FRMD4B: variants seen among roughly 807,000 people sequenced by gnomAD.
The protein encoded by FRMD4B is FERM domain-containing protein 4B.
In FRMD4B, 74 loss-of-function variants were observed where a neutral mutation model predicts 141.5. The ratio of observed to expected loss-of-function variants is 0.52; its 90% CI spans 0.43 to 0.63. The LOEUF is 0.63. FRMD4B is among the 30% of genes least tolerant of loss of function. The pLI is 0.00. For missense variants in FRMD4B, 1,366 were observed against 1,253.4 expected, an observed-to-expected ratio of 1.09 and a Z score of -1.36; for synonymous variants, 506 against 467.9, an observed-to-expected ratio of 1.08 and a Z score of -1.05.
intron 1 of FRMD4B, among the ~76,000 whole-genome samples, chr3:69,467,209 T>C (rs1031410392): frequency 6.6e-6 from 1 of 152,174 alleles, no homozygotes; most frequent in Non-Finnish European, 1.5e-5. Flanking sequence ...ATTTGACATG[T>C]CACTTTGGTT....
chr3:69,286,718 T>A (rs1056295231), intron 5 of FRMD4B, among the ~76,000 whole-genome samples: 6 of 152,230 alleles, frequency 3.9e-5, no homozygotes, highest in Non-Finnish European at 5.9e-5. Flanking sequence ...AGGAAGTTGC[T>A]TGAGAAGACC....
At chr3:69,292,830 TTTG>T in intron 4 of FRMD4B, 13 of 195,358 alleles carry the variant, frequency 6.7e-5, no homozygotes, top group South Asian at 2.3e-4. Context: ...TTTTTTTTTT[TTTG>T]CAAAAGGATA....
At chr3:69,414,117 C>T (rs1467252862) in intron 2 of FRMD4B, among the ~76,000 whole-genome samples, 1 of 152,118 alleles carries the variant, frequency 6.6e-6, no homozygotes, top group African/African-American at 2.4e-5. Context: ...CATACAGCTG[C>T]ATTTCATCTA....
intron 1 of FRMD4B, among the ~76,000 whole-genome samples, chr3:69,319,600 G>A (rs1026417912): frequency 6.6e-6 from 1 of 152,116 alleles, no homozygotes; most frequent in Non-Finnish European, 1.5e-5. Flanking sequence ...CACCCAGCGA[G>A]GCACTTTAAT....
intron 1 of FRMD4B, among the ~76,000 whole-genome samples, chr3:69,518,080 C>T (rs1054456003): frequency 6.6e-6 from 1 of 152,010 alleles, no homozygotes; most frequent in Non-Finnish European, 1.5e-5. Flanking sequence ...CTTTTTTAAG[C>T]GAACTTAGAA....
At chr3:69,212,828 C>T (rs1302368525) in intron 11 of FRMD4B, among the ~76,000 whole-genome samples, 1 of 152,114 alleles carries the variant, frequency 6.6e-6, no homozygotes, top group Non-Finnish European at 1.5e-5. Flanking sequence ...AGTAAGACTC[C>T]TGAGTGTTAT....
At chr3:69,370,255 G>C (rs1446610031) in intron 1 of FRMD4B, among the ~76,000 whole-genome samples, 1 of 152,094 alleles carries the variant, frequency 6.6e-6, no homozygotes, top group East Asian at 1.9e-4. Context: ...AAAAAAAAGA[G>C]AGCAAACGGT....
intron 7 of FRMD4B, among the ~76,000 whole-genome samples, chr3:69,234,076 T>C (rs2093329193): frequency 6.6e-6 from 1 of 151,858 alleles, no homozygotes; most frequent in African/African-American, 2.4e-5. Flanking sequence ...TGAAACTCCG[T>C]CTCTACTTAA....
At chr3:69,479,247 T>C (rs1446179772) in intron 1 of FRMD4B, among the ~76,000 whole-genome samples, 1 of 150,782 alleles carries the variant, frequency 6.6e-6, no homozygotes, top group Non-Finnish European at 1.5e-5. Context: ...GATCCTGTCA[T>C]TATGATGTTA....
chr3:69,205,648 A>G (rs2093017468), intron 11 of FRMD4B, among the ~76,000 whole-genome samples: 1 of 152,176 alleles, frequency 6.6e-6, no homozygotes, highest in African/African-American at 2.4e-5. Flanking sequence ...GGAGGATGCT[A>G]CTAGCATCTA....
chr3:69,269,602 C>A (rs1467006958), intron 5 of FRMD4B, among the ~76,000 whole-genome samples: 1 of 152,224 alleles, frequency 6.6e-6, no homozygotes, highest in Non-Finnish European at 1.5e-5. Flanking sequence ...TCCAACACCC[C>A]TGAATTACTG....
At chr3:69,172,003 G>A in intron 22 of FRMD4B, 22 bp from the exon 23 acceptor site, 6 of 1,611,114 alleles carry the variant, frequency 3.7e-6, no homozygotes, top group South Asian at 1.1e-5. Context: ...AACCAGAAAA[G>A]TTACTACTTG....
At chr3:69,307,618 C>T (rs112898517) in intron 3 of FRMD4B, among the ~76,000 whole-genome samples, 146 of 152,260 alleles carry the variant, frequency 9.6e-4, no homozygotes, top group African/African-American at 3.2e-3. Flanking sequence ...AGATTACAGG[C>T]GTGAGCCACC....
chr3:69,346,999 A>G (rs1316145600), intron 1 of FRMD4B, among the ~76,000 whole-genome samples: 1 of 152,234 alleles, frequency 6.6e-6, no homozygotes, highest in Non-Finnish European at 1.5e-5. Context: ...CTTAAATGTA[A>G]ATGGGCTAAT....
chr3:69,179,030 G>A (rs540588500), intron 21 of FRMD4B, among the ~76,000 whole-genome samples: 94 of 151,978 alleles, frequency 6.2e-4, no homozygotes, highest in Non-Finnish European at 9.3e-4. Flanking sequence ...ATCACTCCAT[G>A]AGAATGACGC....
intron 1 of FRMD4B, among the ~76,000 whole-genome samples, chr3:69,318,148 AT>A (rs1242718676): frequency 6.6e-6 from 1 of 151,654 alleles, no homozygotes; most frequent in Non-Finnish European, 1.5e-5. Context: ...ATTTTTATAT[AT>A]TTTTTTGCAG....
intron 3 of FRMD4B, among the ~76,000 whole-genome samples, chr3:69,305,303 A>G (rs542766349): frequency 6.6e-6 from 1 of 152,244 alleles, no homozygotes; most frequent in African/African-American, 2.4e-5. Context: ...GTTACAAGAC[A>G]AGGCTTCTGA....
intron 1 of FRMD4B, among the ~76,000 whole-genome samples, chr3:69,355,442 C>T (rs1401091258): frequency 6.6e-6 from 1 of 152,162 alleles, no homozygotes; most frequent in Non-Finnish European, 1.5e-5. Context: ...TAATATATAA[C>T]AGTAAAAACT....
chr3:69,488,107 A>C (rs1341639992), intron 1 of FRMD4B, among the ~76,000 whole-genome samples: 1 of 152,116 alleles, frequency 6.6e-6, no homozygotes, highest in African/African-American at 2.4e-5. Flanking sequence ...AAAAAGGAAG[A>C]AAAAAGAGAA....
Sources: allele counts gnomAD v4.1 joint callset (sites outside exome capture counted in the v4.1 genomes callset), GRCh38; gene constraint gnomAD v4.1.1; transcripts MANE v1.5; gene names NCBI Gene and HGNC (gene_info 2026-07-23, HGNC 2026-07-21).